NTSR2: variants seen among roughly 807,000 people sequenced by gnomAD.
NTSR2 encodes neurotensin receptor 2, also known as neurotensin receptor type 2.
A neutral mutation model predicts 24.1 loss-of-function variants in NTSR2; 22 were observed. That is an observed-to-expected ratio of 0.91 (90% CI 0.65 to 1.30). NTSR2 has a LOEUF of 1.30. Among genes scored for constraint, NTSR2 ranks in the 50% most tolerant of loss-of-function variants. NTSR2 has a pLI of 0.00. For missense variants in NTSR2, 570 were observed against 570.4 expected, an observed-to-expected ratio of 1.00 and a Z score of 0.01; for synonymous variants, 291 against 267.0, an observed-to-expected ratio of 1.09 and a Z score of -0.88.
Position 11,670,034 on chromosome 2 carries a change from C to T in NTSR2, c.96G>A (p.Lys32=). ...GTGCGTAGAGCGCGGTGAACAGCACCTTGGCCCAGAGGCGAGTGTCCACGC... is the reference window on the plus strand; with the variant it reads ...GTGCGTAGAGCGCGGTGAACAGCACTTTGGCCCAGAGGCGAGTGTCCACGC... ...RLGVDTRLWA[K]VLFTALYALI... Residue 32 remains lysine (K), a synonymous_variant, in exon 1 of 4, where the codon AAG becomes AAA. Transcript: ENST00000306928. The T allele has an allele frequency of 1.3e-6, 2 of 1,511,488 alleles. No individual in the cohort carries two copies. Among genetic ancestry groups the T allele is most frequent in the Non-Finnish European group, 1.8e-6 (2 of 1,135,910 alleles). 93.6% of individuals were successfully genotyped at this position (1,511,488 alleles called of 1,614,324 possible).
At chr2:11,669,417 A>C in intron 1 of NTSR2, 89 bp downstream of exon 1, 1 of 980,240 alleles carries the variant, frequency 1.0e-6, no homozygotes, top group South Asian at 2.9e-5. Flanking sequence ...AGAGTCGAAA[A>C]TGTCTGTTCC....
At chr2:11,669,460 G>GGGGGGGGGGCCCCCCCCCCCCCCCCCCCC in intron 1 of NTSR2, 46 bp downstream of exon 1, 1 of 254,724 alleles carries the variant, frequency 3.9e-6, no homozygotes, top group Non-Finnish European at 6.9e-6. Context: ...TCCCAGCACC[G>GGGGGGGGGGCCCCCCCCCCCCCCCCCCCC]CCCCCCCACC....
Position 11,669,978 on chromosome 2 carries a change from G to T in NTSR2, c.152C>A (p.Ala51Glu). The T allele has an allele frequency of 6.6e-7, 1 of 1,512,084 alleles. No individual in the cohort carries two copies. Among genetic ancestry groups the T allele is most frequent in the Non-Finnish European group, 8.8e-7 (1 of 1,136,866 alleles). The allele number at this position is 1,512,084 out of a possible 1,614,324, so 93.7% of individuals were successfully genotyped here. Residue 51 changes from alanine (A) to glutamate (E), a missense_variant, in exon 1 of 4, where the codon GCG becomes GAG. By Grantham distance (107) the Ala-to-Glu change is moderately radical. Coordinates refer to ENST00000306928, the MANE Select transcript of NTSR2 (RefSeq NM_012344.4). ...CTTCAGCACCACGTGCGCGGACAGCGCATTGCCCGCCGCGCCCAGCGCCCA... is the reference window on the plus strand; with the variant it reads ...CTTCAGCACCACGTGCGCGGACAGCTCATTGCCCGCCGCGCCCAGCGCCCA... ...LIWALGAAGN[A>E]LSAHVVLKAR...
At position 11,666,471 on chromosome 2, in the gene NTSR2, C is replaced by T. The variant is rs1204865849; in HGVS notation, c.624+3035G>A. ...ATCCCAGCACTTTGGGAGGCTGAGA[C>T]GGGTGGATCACGAGGTCAGGAGATC... On this transcript the variant is annotated intron_variant, in intron 1 of 3. Transcript: ENST00000306928. Among the ~76,000 whole-genome samples, 6 of 152,112 alleles carry T rather than the reference C, an allele frequency of 3.9e-5. No homozygotes were observed. In the East Asian group the frequency reaches 5.8e-4, roughly 15 times the overall value.
rs1280343653 is a variant in NTSR2, at chr2:11,669,533, G to A, written c.597C>T (p.Ser199=). 3.4e-6 allele frequency: 5 copies of A among 1,466,310 alleles called. No homozygotes were observed. The South Asian group carries it at 5.6e-5, about 16-fold the overall frequency. The allele number at this position is 1,466,310 out of a possible 1,614,324, so 90.8% of individuals were successfully genotyped here. A position where few individuals can be genotyped will look rare whatever the true frequency, so the allele number is the denominator to read the frequency against. Residue 199 remains serine (S), a synonymous_variant, in exon 1 of 4, where the codon AGC becomes AGT. Transcript: ENST00000306928. ...GGATAAAGACTTGGAGCGCGGTGCG[G>A]CTCACCAGCACCGTGCACACTCGCG... ...PASRVCTVLV[S]RTALQVFIQV...
chr2:11,659,744 A>T (rs1661029363), intron 3 of NTSR2, among the ~76,000 whole-genome samples: 1 of 152,206 alleles, frequency 6.6e-6, no homozygotes, highest in Admixed American at 6.5e-5. Context: ...AGGAAGCCTC[A>T]GAAGCATGGC....
Position 11,669,599 on chromosome 2 carries a change from C to T in NTSR2, c.531G>A (p.Lys177=), listed in dbSNP as rs779809607. ...CCCCGTCCGCCGTCTCGAGTTCGTG[C>T]TTCTGCCCCATGATGACGGCCATGG... ...ALPMAVIMGQ[K]HELETADGEP... is the part of the protein sequence containing the mutation. Residue 177 remains lysine, a synonymous_variant, in exon 1 of 4, where the codon AAG becomes AAA. Transcript: ENST00000306928. 1.6e-5 allele frequency: 25 copies of T among 1,584,550 alleles called. No homozygotes were observed. In the Admixed American group the frequency reaches 4.1e-4, roughly 26 times the overall value.
intron 1 of NTSR2, 46 bp downstream of exon 1, chr2:11,669,460 G>GGCGGGGGGGGGGCCCCCCCCCC: frequency 3.9e-6 from 1 of 254,726 alleles, no homozygotes; most frequent in Non-Finnish European, 6.9e-6. Context: ...TCCCAGCACC[G>GGCGGGGGGGGGGCCCCCCCCCC]CCCCCCCACC....
chr2:11,666,150 A>G (rs1368054886), intron 1 of NTSR2, among the ~76,000 whole-genome samples: 1 of 152,132 alleles, frequency 6.6e-6, no homozygotes, highest in Non-Finnish European at 1.5e-5. Context: ...AGTGGTGGGG[A>G]GACCTGGGAA....
rs754665398 is a variant in NTSR2, at chr2:11,669,866, CG to C, written c.263del (p.Pro88ArgfsTer37). 1 of 1,585,406 alleles carries C rather than the reference CG, an allele frequency of 6.3e-7. No homozygotes were observed. Among genetic ancestry groups the C allele is most frequent in the Non-Finnish European group, 8.5e-7 (1 of 1,172,424 alleles). On this transcript the variant is annotated frameshift_variant, in exon 1 of 4. Transcript: ENST00000306928. LOFTEE classifies it high-confidence loss of function. ...ACCACACGAAGCTGTAGAGCTCCACCGGCACGCCGACCAGCAGCAGCAGCAG... is the reference window on the plus strand; with the variant it reads ...ACCACACGAAGCTGTAGAGCTCCACCGCACGCCGACCAGCAGCAGCAGCAG... ...AGLLLLLVGV[P>X]VELYSFVWFH...
intron 1 of NTSR2, among the ~76,000 whole-genome samples, 189 bp from the exon 2 acceptor site, chr2:11,662,429 T>C (rs1421462203): frequency 6.6e-6 from 1 of 151,992 alleles, no homozygotes; most frequent in Non-Finnish European, 1.5e-5. Flanking sequence ...AGGATGTTCA[T>C]AATAGGGGTT....
At chr2:11,659,100 G>A (rs1322064279) in intron 3 of NTSR2, among the ~76,000 whole-genome samples, 1 of 152,166 alleles carries the variant, frequency 6.6e-6, no homozygotes, top group Non-Finnish European at 1.5e-5. Flanking sequence ...TGATCCACCT[G>A]CCTTAGCCTC....
intron 1 of NTSR2, among the ~76,000 whole-genome samples, chr2:11,668,422 C>T (rs1164250817): frequency 2.0e-5 from 3 of 152,190 alleles, no homozygotes; most frequent in Non-Finnish European, 4.4e-5. Context: ...GAGGGAGCCT[C>T]ACCTGGGGAC....
At chr2:11,666,274 T>C (rs1661197322) in intron 1 of NTSR2, among the ~76,000 whole-genome samples, 1 of 152,150 alleles carries the variant, frequency 6.6e-6, no homozygotes, top group South Asian at 2.1e-4. Context: ...TACTGTGGGG[T>C]TCCTCATCCT....
chr2:11,669,459 C>CGGGCCGGGGG, intron 1 of NTSR2, 47 bp downstream of exon 1: 1 of 337,896 alleles, frequency 3.0e-6, no homozygotes, highest in Non-Finnish European at 5.3e-6. Flanking sequence ...CTCCCAGCAC[C>CGGGCCGGGGG]GCCCCCCCAC....
At chr2:11,661,233 A>G (rs1365657766) in intron 2 of NTSR2, among the ~76,000 whole-genome samples, 1 of 152,230 alleles carries the variant, frequency 6.6e-6, no homozygotes, top group Admixed American at 6.5e-5. Flanking sequence ...GCTGAGCGCA[A>G]TAGGTCTCAA....
At chr2:11,658,923 G>A (rs1270674616) in intron 3 of NTSR2, among the ~76,000 whole-genome samples, 9 of 152,134 alleles carry the variant, frequency 5.9e-5, no homozygotes, top group Non-Finnish European at 1.3e-4. Flanking sequence ...GCAATGGCAT[G>A]GCTCACTGCA....
Position 11,669,575 on chromosome 2 carries a change from C to T in NTSR2, c.555G>A (p.Gly185=), listed in dbSNP as rs1260280982. 54 of 1,574,068 alleles carry T rather than the reference C, an allele frequency of 3.4e-5. No homozygotes were observed. Among genetic ancestry groups the T allele is most frequent in the Non-Finnish European group, 4.5e-5 (53 of 1,168,032 alleles). The change falls in exon 1 of 4, where the codon GGG becomes GGA. Residue 185 remains glycine, a synonymous_variant. Transcript: ENST00000306928. ...ACACTCGCGAGGCGGGCTCCGGCTCCCCGTCCGCCGTCTCGAGTTCGTGCT... is the reference window on the plus strand; with the variant it reads ...ACACTCGCGAGGCGGGCTCCGGCTCTCCGTCCGCCGTCTCGAGTTCGTGCT... ...GQKHELETAD[G]EPEPASRVCT... is the part of the protein sequence containing the mutation.
rs149376121 is a variant in NTSR2 at position 11,658,916 on chromosome 2, A to G, written c.990-194T>C. Among the ~76,000 whole-genome samples, 53 of 152,196 alleles carry G rather than the reference A, an allele frequency of 3.5e-4. No homozygotes were observed. In the East Asian group the frequency reaches 7.4e-3, roughly 21 times the overall value. ...GCTCTGTCTCCCAGGCTGGAGTGCA[A>G]TGGCATGGCTCACTGCAACCTCCGC... On this transcript the variant is annotated intron_variant, in intron 3 of 3. Transcript: ENST00000306928.
Sources: allele counts gnomAD v4.1 joint callset (sites outside exome capture counted in the v4.1 genomes callset), GRCh38; gene constraint gnomAD v4.1.1; transcripts MANE v1.5; gene names NCBI Gene and HGNC (gene_info 2026-07-23, HGNC 2026-07-21).